The following AUTS2 variants were observed in gnomAD, a reference collection of about 807,000 sequenced individuals.
AUTS2 encodes the protein activator of transcription and developmental regulator AUTS2.
AUTS2 carries 17 observed loss-of-function variants against 112.4 expected under a neutral mutation model. The observed-to-expected ratio is 0.15, with a 90% CI of 0.10 to 0.23. The LOEUF (loss-of-function observed/expected upper bound fraction) is 0.23. Ranked by LOEUF, AUTS2 falls within the 10% of genes least tolerant of loss-of-function variation. The probability of loss-of-function intolerance (pLI) is 1.00; values close to 1 mark genes in which losing one functional copy is unlikely to be tolerated. For synonymous variants in AUTS2, 751 were observed against 702.7 expected (o/e 1.07, Z -1.09); for missense variants, 1,510 against 1,701.6 (o/e 0.89, Z 1.98).
At position 69,599,517 on chromosome 7, in the gene AUTS2, C is replaced by T. The variant is rs904323092; in HGVS notation, c.-137C>T. On this transcript the variant is annotated 5_prime_UTR_variant, in exon 1 of 19. Transcript: ENST00000342771. This position sits in a 1 kb window ranked among gnomAD's most constrained non-coding sequence, Gnocchi z 7.0. Reference sequence around the variant, plus strand: ...CTTCCCCTCTCTCCCTTCTTTCGGCCGCCGTCTCCCCCGCGCCCTCCTCGG... The same window carrying T: ...CTTCCCCTCTCTCCCTTCTTTCGGCTGCCGTCTCCCCCGCGCCCTCCTCGG... 5 of 768,312 alleles carry T rather than the reference C, an allele frequency of 6.5e-6. No homozygotes were observed. Among genetic ancestry groups the T allele is most frequent in the Non-Finnish European group, 8.8e-6 (5 of 570,802 alleles). The allele number at this position is 768,312 out of a possible 1,614,324, so 47.6% of individuals were successfully genotyped here.
chr7:70,637,729 GT>G (rs577185051), intron 5 of AUTS2, among the ~76,000 whole-genome samples: 238 of 152,250 alleles, frequency 1.6e-3, no homozygotes, highest in Middle Eastern at 6.8e-3. Context: ...TTGGGGGTTG[GT>G]TTTTATAGAT....
intron 4 of AUTS2, among the ~76,000 whole-genome samples, chr7:70,146,410 T>C (rs966492631): frequency 1.1e-4 from 17 of 152,270 alleles, no homozygotes; most frequent in Middle Eastern, 3.4e-3. Context: ...TTAACAGTTT[T>C]CTCTCCTGTA....
chr7:70,027,367 T>G (rs139827763), intron 2 of AUTS2, among the ~76,000 whole-genome samples: 300 of 152,294 alleles, frequency 2.0e-3, no homozygotes, highest in African/African-American at 6.8e-3. Flanking sequence ...TTGGATATCC[T>G]TTACATGTTT....
At chr7:70,589,938 C>T (rs991900512) in intron 5 of AUTS2, among the ~76,000 whole-genome samples, 3 of 152,148 alleles carry the variant, frequency 2.0e-5, no homozygotes, top group Admixed American at 6.5e-5. Flanking sequence ...CTGCCATTCC[C>T]TCTCAGAAAG....
intron 6 of AUTS2, among the ~76,000 whole-genome samples, chr7:70,753,786 C>T (rs982274349): frequency 6.6e-6 from 1 of 152,108 alleles, no homozygotes; most frequent in Non-Finnish European, 1.5e-5. Flanking sequence ...GGTTTTAATA[C>T]GTATATACAA....
intron 1 of AUTS2, among the ~76,000 whole-genome samples, chr7:69,771,966 G>C (rs1321542859): frequency 6.6e-6 from 1 of 152,000 alleles, no homozygotes; most frequent in Non-Finnish European, 1.5e-5. Flanking sequence ...TGTGTTTTTA[G>C]TAGAGATGGA....
At chr7:70,255,237 C>G (rs1380437848) in intron 4 of AUTS2, among the ~76,000 whole-genome samples, 1 of 151,966 alleles carries the variant, frequency 6.6e-6, no homozygotes. Flanking sequence ...CCACGCCTGG[C>G]TAATTTTTGT....
Position 70,286,853 on chromosome 7 carries a change from G to C in AUTS2, c.661-148899G>C, listed in dbSNP as rs1046773650. Among the ~76,000 whole-genome samples, 3 of 152,038 alleles carry C rather than the reference G, an allele frequency of 2.0e-5. No homozygotes were observed. The South Asian group carries it at 6.2e-4, about 32-fold the overall frequency. ...AAACATCAATATCTTCATAAATCAA[G>C]AAAATGAGTCCCAAAATTGGACACA... On this transcript the variant is annotated intron_variant, in intron 4 of 18. Transcript: ENST00000342771.
At chr7:70,182,382 A>G (rs1809365384) in intron 4 of AUTS2, among the ~76,000 whole-genome samples, 1 of 151,692 alleles carries the variant, frequency 6.6e-6, no homozygotes, top group Non-Finnish European at 1.5e-5. Flanking sequence ...TCAAGATCCA[A>G]ATGAAATAGT....
chr7:70,609,575 G>T lies in AUTS2; in HGVS notation c.691-88994G>T, dbSNP rs1329791135. 5.7e-5 allele frequency among the ~76,000 whole-genome samples: 8 copies of T among 140,752 alleles called. No homozygotes were observed. In the South Asian group the frequency reaches 8.8e-4, roughly 16 times the overall value. 92.3% of individuals were successfully genotyped at this position (140,752 alleles called of 152,430 possible). On this transcript the variant is annotated intron_variant, in intron 5 of 18. Coordinates refer to ENST00000342771, the MANE Select transcript of AUTS2 (RefSeq NM_015570.4). ...ACGCCAAGCTAATTTTGTTTTTTTT[G>T]TTTTGTTTTTTTTTTTTGTTGTTTT...
chr7:69,869,206 G>C lies in AUTS2; in HGVS notation c.310-30080G>C, dbSNP rs568095477. 3.3e-5 allele frequency among the ~76,000 whole-genome samples: 5 copies of C among 152,264 alleles called. No homozygotes were observed. The South Asian group carries it at 1.0e-3, about 32-fold the overall frequency. ...GAGAAATATTGGGAAGCTGGCAAGA[G>C]AGTCAATTCTATCAGTGTTTATTGA... On this transcript the variant is annotated intron_variant, in intron 1 of 18. Transcript: ENST00000342771.
chr7:69,947,141 G>T (rs999655390), intron 2 of AUTS2, among the ~76,000 whole-genome samples: 3 of 152,182 alleles, frequency 2.0e-5, no homozygotes, highest in African/African-American at 7.2e-5. Flanking sequence ...AGCCATTGCG[G>T]CTTACACAGA....
intron 5 of AUTS2, among the ~76,000 whole-genome samples, chr7:70,514,408 G>A (rs1799330657): frequency 6.6e-6 from 1 of 152,222 alleles, no homozygotes; most frequent in Non-Finnish European, 1.5e-5. Context: ...CTTGGCTTCT[G>A]GTGAGGCCTC....
intron 2 of AUTS2, among the ~76,000 whole-genome samples, chr7:70,077,142 A>G (rs535038530): frequency 3.3e-4 from 51 of 152,306 alleles, no homozygotes; most frequent in African/African-American, 1.2e-3. Context: ...TGAGCTGTCC[A>G]TTAGAGGGAT....
intron 6 of AUTS2, among the ~76,000 whole-genome samples, chr7:70,747,687 G>A (rs561726848): frequency 6.9e-4 from 104 of 151,806 alleles, no homozygotes; most frequent in African/African-American, 2.4e-3. Context: ...GGGTTTCGCT[G>A]TATTGGCCAG....
At chr7:69,782,680 TA>T (rs34937862) in intron 1 of AUTS2, among the ~76,000 whole-genome samples, 14 of 148,720 alleles carry the variant, frequency 9.4e-5, no homozygotes, top group South Asian at 6.4e-4. Flanking sequence ...AATCTACCAT[TA>T]AAAAAAAAAT....
intron 2 of AUTS2, among the ~76,000 whole-genome samples, chr7:70,087,493 C>T (rs899251309): frequency 1.3e-5 from 2 of 151,694 alleles, no homozygotes; most frequent in Admixed American, 1.3e-4. Flanking sequence ...CCTTAGCCTC[C>T]TGAGTAGCTG....
intron 5 of AUTS2, among the ~76,000 whole-genome samples, chr7:70,532,410 G>T (rs1048253495): frequency 9.2e-5 from 14 of 151,986 alleles, no homozygotes; most frequent in African/African-American, 2.9e-4. Context: ...TTATTCCTTT[G>T]GGTCTTAAAG....
intron 2 of AUTS2, among the ~76,000 whole-genome samples, chr7:70,113,874 A>G (rs1429688669): frequency 6.6e-6 from 1 of 152,234 alleles, no homozygotes; most frequent in Non-Finnish European, 1.5e-5. Context: ...ACCTTCATGC[A>G]GTCTAGGGTG....
Sources: gnomAD v4.1 joint callset for allele counts (sites outside exome capture counted in the v4.1 genomes callset) on GRCh38, gnomAD v4.1.1 for gene constraint, Gnocchi (gnomAD v3.1) non-coding constraint, MANE v1.5 for transcripts, NCBI Gene and HGNC (gene_info 2026-07-23, HGNC 2026-07-21) for gene names.